TEC: variants seen among roughly 807,000 people sequenced by gnomAD.
The protein encoded by TEC is tyrosine-protein kinase Tec.
In TEC, 72 loss-of-function variants were observed where a neutral mutation model predicts 93.0. The observed-to-expected ratio is 0.77, with a 90% CI of 0.64 to 0.94. TEC has a LOEUF of 0.94. Ranked by LOEUF, TEC falls within the 40% of genes least tolerant of loss-of-function variation. The pLI, the probability that TEC is intolerant of heterozygous loss-of-function variation, is 0.00. For missense variants in TEC, 630 were observed against 757.9 expected (o/e 0.83, Z 1.98); for synonymous variants, 249 against 247.7 (o/e 1.01, Z -0.05).
chr4:48,167,754 C>A, intron 7 of TEC, 24 bp downstream of exon 7: 1 of 1,609,656 alleles, frequency 6.2e-7, no homozygotes, highest in South Asian at 1.1e-5. Context: ...CACTGCATAT[C>A]ACACACATAG....
intron 1 of TEC, among the ~76,000 whole-genome samples, chr4:48,241,269 TCACCTCC>T (rs150877738): frequency 0.011 from 1,724 of 152,260 alleles, 31 homozygotes; most frequent in Non-Finnish European, 0.014. Flanking sequence ...TGGGTCTATG[TCACCTCC>T]CCTTGAATTG....
At chr4:48,184,222 T>G (rs1162155442) in intron 2 of TEC, among the ~76,000 whole-genome samples, 1 of 152,202 alleles carries the variant, frequency 6.6e-6, no homozygotes, top group Admixed American at 6.5e-5. Flanking sequence ...TATAATTAAC[T>G]TGCCCAAAGT....
At position 48,145,111 on chromosome 4, in the gene TEC, G is replaced by A; in HGVS notation, c.1438C>T (p.Leu480=). The part of the protein sequence containing the change: ...CQDVCEGMEY[L]ERNSFIHRDL... The stretch of plus-strand genomic sequence containing the variant: ...CTGTGGATGAAGCTGTTTCTCTCCA[G>A]ATACTCCATCCCTTCACACACATCC... Residue 480 remains leucine, a synonymous_variant, in exon 14 of 18, where the codon CTG becomes TTG. Coordinates refer to ENST00000381501, the MANE Select transcript of TEC (RefSeq NM_003215.3). The A allele has an allele frequency of 6.2e-7, 1 of 1,613,934 alleles. No individual in the cohort carries two copies. The highest frequency in any genetic ancestry group is 8.5e-7 in the Non-Finnish European group (1 of 1,179,896).
chr4:48,228,568 T>G lies in TEC; in HGVS notation c.47A>C (p.Gln16Pro), dbSNP rs1345607054. Residue 16 changes from glutamine to proline, a missense_variant, in exon 2 of 18, where the codon CAG becomes CCG. This residue lies in a region of TEC where 6 missense variants were observed against 16.5 expected (regional missense o/e 0.36). Coordinates refer to ENST00000381501, the MANE Select transcript of TEC (RefSeq NM_003215.3). The part of the protein sequence containing the change: ...ILEEILIKRS[Q>P]QKKKTSPLNY... The stretch of plus-strand genomic sequence containing the variant: ...TAAGGGCGATGTCTTCTTTTTCTGC[T>G]GTGACCTTTTAATAAGAATCTCCTC... 6.2e-7 allele frequency: 1 copy of G among 1,613,908 alleles called. No individual in the cohort carries two copies. Among genetic ancestry groups the G allele is most frequent in the Admixed American group, 1.7e-5 (1 of 59,964 alleles).
chr4:48,203,571 G>T (rs1722605122), intron 2 of TEC, among the ~76,000 whole-genome samples: 1 of 152,164 alleles, frequency 6.6e-6, no homozygotes, highest in Non-Finnish European at 1.5e-5. Flanking sequence ...AGACACTGGG[G>T]TCAGGTGCAG....
intron 8 of TEC, among the ~76,000 whole-genome samples, chr4:48,157,609 A>G (rs952372471): frequency 6.7e-5 from 10 of 150,118 alleles, no homozygotes; most frequent in Admixed American, 1.3e-4. Flanking sequence ...TCCACCTCCC[A>G]GGTTCAAGCA....
At chr4:48,267,383 G>T (rs1340985781) in intron 1 of TEC, among the ~76,000 whole-genome samples, 3 of 152,256 alleles carry the variant, frequency 2.0e-5, no homozygotes, top group Non-Finnish European at 2.9e-5. Flanking sequence ...AGCTGGGGTA[G>T]TGACAATAAG....
intron 1 of TEC, among the ~76,000 whole-genome samples, chr4:48,269,240 GGTTT>G (rs1205092564): frequency 1.3e-5 from 2 of 152,200 alleles, no homozygotes; most frequent in African/African-American, 4.8e-5. Flanking sequence ...ACAACGTGCA[GGTTT>G]GTTACATATG....
At chr4:48,213,376 AG>A (rs1307328809) in intron 2 of TEC, among the ~76,000 whole-genome samples, 1 of 152,248 alleles carries the variant, frequency 6.6e-6, no homozygotes, top group Non-Finnish European at 1.5e-5. Flanking sequence ...AAAGTAAAAA[AG>A]GTAAATGAAG....
At chr4:48,166,951 G>A (rs1488635200) in intron 7 of TEC, among the ~76,000 whole-genome samples, 1 of 151,806 alleles carries the variant, frequency 6.6e-6, no homozygotes, top group African/African-American at 2.4e-5. Flanking sequence ...GCTGGGGCTG[G>A]GAGGTGAGAG....
intron 2 of TEC, among the ~76,000 whole-genome samples, chr4:48,219,581 A>G (rs1723187914): frequency 6.6e-6 from 1 of 152,216 alleles, no homozygotes; most frequent in African/African-American, 2.4e-5. Flanking sequence ...TTATAAGTGC[A>G]GAGAAGAAAA....
At chr4:48,177,602 C>T (rs1721382035) in intron 2 of TEC, among the ~76,000 whole-genome samples, 1 of 152,132 alleles carries the variant, frequency 6.6e-6, no homozygotes, top group Admixed American at 6.5e-5. Context: ...GCTGCCATCT[C>T]CCCAGTGCAT....
At chr4:48,230,029 C>T (rs1166929173) in intron 1 of TEC, among the ~76,000 whole-genome samples, 2 of 150,788 alleles carry the variant, frequency 1.3e-5, no homozygotes, top group African/African-American at 4.9e-5. Context: ...GAGCCGAGAT[C>T]GCACCATTGC....
At chr4:48,177,386 T>A (rs1721373426) in intron 2 of TEC, among the ~76,000 whole-genome samples, 1 of 152,144 alleles carries the variant, frequency 6.6e-6, no homozygotes, top group Admixed American at 6.5e-5. Context: ...ATGAAGAACA[T>A]CGTATTTGAG....
chr4:48,143,650 G>A (rs1173343200), intron 14 of TEC, among the ~76,000 whole-genome samples: 1 of 152,170 alleles, frequency 6.6e-6, no homozygotes, highest in Non-Finnish European at 1.5e-5. Flanking sequence ...GAAATAAAGT[G>A]TTCCATCTCC....
chr4:48,227,411 G>T (rs1164896025), intron 2 of TEC, among the ~76,000 whole-genome samples: 1 of 152,150 alleles, frequency 6.6e-6, no homozygotes, highest in Non-Finnish European at 1.5e-5. Flanking sequence ...GGGAGGCCCA[G>T]GTGGGTGGAT....
intron 15 of TEC, among the ~76,000 whole-genome samples, chr4:48,140,230 A>C (rs1211976966): frequency 1.3e-5 from 2 of 152,200 alleles, no homozygotes; most frequent in Non-Finnish European, 1.5e-5. Flanking sequence ...TGCATTTATG[A>C]GCATTCCTGG....
At chr4:48,187,449 A>G (rs1195034654) in intron 2 of TEC, among the ~76,000 whole-genome samples, 1 of 152,072 alleles carries the variant, frequency 6.6e-6, no homozygotes, top group Non-Finnish European at 1.5e-5. Context: ...AAAAAAAAAA[A>G]AAGAAATATG....
chr4:48,152,310 C>A (rs541321466), intron 9 of TEC, among the ~76,000 whole-genome samples: 5 of 151,942 alleles, frequency 3.3e-5, no homozygotes, highest in African/African-American at 9.7e-5. Flanking sequence ...TGGTGGTGCG[C>A]GCCTGTAATC....
Sources: gnomAD v4.1 joint callset for allele counts (sites outside exome capture counted in the v4.1 genomes callset) on GRCh38, gnomAD v4.1.1 for gene constraint, gnomAD v4.1.1 regional missense constraint, MANE v1.5 for transcripts, NCBI Gene and HGNC (gene_info 2026-07-23, HGNC 2026-07-21) for gene names.